HERC2: variants seen among roughly 807,000 people sequenced by gnomAD.
HERC2 encodes HECT and RLD domain containing E3 ubiquitin protein ligase 2.
In HERC2, 102 loss-of-function variants were observed where a neutral mutation model predicts 537.7. The ratio of observed to expected loss-of-function variants is 0.19; its 90% confidence interval spans 0.16 to 0.22. The LOEUF is 0.22. Ranked by LOEUF, HERC2 falls within the 10% of genes least tolerant of loss-of-function variation. The pLI is 1.00. For synonymous variants in HERC2, 2,224 were observed against 2,466.2 expected, an observed-to-expected ratio of 0.90 and a Z score of 2.91; for missense variants, 4,236 against 6,198.2, an observed-to-expected ratio of 0.68 and a Z score of 10.63.
At chr15:28,124,970 G>A (rs1369467907) in intron 84 of HERC2, 36 bp downstream of exon 84, 1 of 1,563,664 alleles carries the variant, frequency 6.4e-7, no homozygotes. Flanking sequence ...AGCACACTTT[G>A]CTTGCCCCCG....
chr15:28,169,698 G>C lies in HERC2; in HGVS notation c.10058-43C>G. ...AATTTGCATTGTTTTTAAAATCACAGTTTGATCTATTTCTATAAAATCTGA... is the reference window on the plus strand; with the variant it reads ...AATTTGCATTGTTTTTAAAATCACACTTTGATCTATTTCTATAAAATCTGA... On this transcript the variant is annotated intron_variant, in intron 65 of 92. Coordinates refer to ENST00000261609, the MANE Select transcript of HERC2 (RefSeq NM_004667.6). 3 of 1,566,420 alleles carry C rather than the reference G, an allele frequency of 1.9e-6. 1 individual carries two copies. The highest frequency in any genetic ancestry group is 2.3e-5 in the South Asian group (2 of 85,796).
chr15:28,188,557 AAG>A (rs1555420362), intron 55 of HERC2, among the ~76,000 whole-genome samples: 2 of 151,190 alleles, frequency 1.3e-5, no homozygotes, highest in African/African-American at 4.9e-5. Context: ...AAAAAAAAAA[AAG>A]AGTACTTGTT....
At position 28,174,381 on chromosome 15, in the gene HERC2, CA is replaced by C; in HGVS notation, c.10057+13del. 1.0e-5 allele frequency: 16 copies of C among 1,567,608 alleles called. No individual in the cohort carries two copies. Among genetic ancestry groups the C allele is most frequent in the Non-Finnish European group, 1.4e-5 (16 of 1,148,906 alleles). On this transcript the variant is annotated intron_variant, in intron 65 of 92. Coordinates refer to ENST00000261609, the MANE Select transcript of HERC2 (RefSeq NM_004667.6). ...CTACAGAAAAATCTCAGAGAAGATA[CA>C]AATCTGTGTTACCTAAATAGGAAGC...
At position 28,132,666 on chromosome 15, in the gene HERC2, A is replaced by T; in HGVS notation, c.12395T>A (p.Leu4132Gln). The T allele has an allele frequency of 1.4e-5, 22 of 1,548,392 alleles. No individual in the cohort carries two copies. The highest frequency in any genetic ancestry group is 1.9e-5 in the Non-Finnish European group (22 of 1,145,668). The change falls in exon 80 of 93, where the codon CTG (leucine) becomes CAG (glutamine). Residue 4132 changes from leucine (L) to glutamine (Q), a missense_variant. Transcript: ENST00000261609. ...GCGCCTCCTCACCAGCTTCGGCTTC[A>T]GCTGGTCCTCACTGTCGCTGTGCCC... ...RLGHSDSEDQ[L>Q]KPKLVEALQG...
chr15:28,126,856 G>T (rs894416263), intron 83 of HERC2, among the ~76,000 whole-genome samples: 2 of 152,134 alleles, frequency 1.3e-5, no homozygotes, highest in Non-Finnish European at 2.9e-5. Flanking sequence ...CCAAAAACTT[G>T]TTGAAATAAA....
intron 67 of HERC2, 52 bp from the exon 68 acceptor site, chr15:28,167,879 A>G (rs1486674776): frequency 2.6e-6 from 4 of 1,554,900 alleles, no homozygotes; most frequent in Non-Finnish European, 3.5e-6. Flanking sequence ...ACTCAGCAAC[A>G]TAACACATTT....
intron 4 of HERC2, among the ~76,000 whole-genome samples, chr15:28,287,087 C>A (rs1306332330): frequency 6.6e-6 from 1 of 151,906 alleles, no homozygotes; most frequent in Non-Finnish European, 1.5e-5. Context: ...TAATTTTTTT[C>A]ATAATAAAAC....
intron 2 of HERC2, chr15:28,315,644 A>C (rs2077061948): frequency 6.6e-6 from 4 of 607,076 alleles, no homozygotes; most frequent in African/African-American, 1.8e-5. Flanking sequence ...AATATAAAAA[A>C]TTATCTGGCT....
chr15:28,253,473 C>G (rs987357992), intron 20 of HERC2, among the ~76,000 whole-genome samples: 3 of 152,230 alleles, frequency 2.0e-5, no homozygotes, highest in Non-Finnish European at 4.4e-5. Context: ...ACCGCAATTT[C>G]TCTTCAGTGA....
chr15:28,206,855 A>C (rs1022725467), intron 44 of HERC2, among the ~76,000 whole-genome samples: 3 of 137,688 alleles, frequency 2.2e-5, no homozygotes, highest in Non-Finnish European at 4.6e-5. Flanking sequence ...AAAAAAAAAA[A>C]AAAAAATTAA....
At chr15:28,139,266 G>C (rs1890950321) in intron 78 of HERC2, among the ~76,000 whole-genome samples, 1 of 152,246 alleles carries the variant, frequency 6.6e-6, no homozygotes, top group Non-Finnish European at 1.5e-5. Flanking sequence ...TCACTTCTGT[G>C]ATTCAGTTAC....
In HERC2 at chr15:28,270,811, G is replaced by T; in HGVS notation, c.1141C>A (p.Gln381Lys). The T allele has an allele frequency of 6.2e-7, 1 of 1,613,968 alleles. No individual in the cohort carries two copies. The highest frequency in any genetic ancestry group is 1.3e-5 in the African/African-American group (1 of 75,046). ...AGATCAATGGCAAGCTCGTTGTCTT[G>T]TGGAAGGGTGAGGTACCTCAGGAAA... ...ESFLRYLTLPQDNELAIDLRQ... is the reference protein window; with the variant it reads ...ESFLRYLTLPKDNELAIDLRQ... Residue 381 changes from glutamine (Q) to lysine (K), a missense_variant, in exon 10 of 93, where the codon CAA becomes AAA. Coordinates refer to ENST00000261609, the MANE Select transcript of HERC2 (RefSeq NM_004667.6).
intron 27 of HERC2, 131 bp downstream of exon 27, chr15:28,233,939 C>A: frequency 1.5e-6 from 1 of 684,764 alleles, no homozygotes; most frequent in Non-Finnish European, 2.6e-6. Flanking sequence ...AGGTTCTCAC[C>A]TCAAAACCCT....
chr15:28,128,733 C>T lies in HERC2; in HGVS notation c.12802+1430G>A, dbSNP rs993050311. ...AAACAACACACACTTAGGATCCTTT[C>T]GCTCTGCAGGTGAGAAGCCCCGCAT... On this transcript the variant is annotated intron_variant, in intron 83 of 92. Coordinates refer to ENST00000261609, the MANE Select transcript of HERC2 (RefSeq NM_004667.6). 3.9e-5 allele frequency among the ~76,000 whole-genome samples: 6 copies of T among 152,216 alleles called. No individual in the cohort carries two copies. In the South Asian group the frequency reaches 6.2e-4, roughly 16 times the overall value.
chr15:28,232,268 C>T (rs915148917), intron 30 of HERC2, among the ~76,000 whole-genome samples: 2 of 152,104 alleles, frequency 1.3e-5, no homozygotes, highest in African/African-American at 4.8e-5. Context: ...AGAGGCCAGG[C>T]GCGGTGGCTC....
rs773773806 is a variant in HERC2 at position 28,265,944 on chromosome 15, G to C, written c.1629C>G (p.Ala543=). 6.2e-7 allele frequency: 1 copy of C among 1,614,170 alleles called. No homozygotes were observed. Among genetic ancestry groups the C allele is most frequent in the South Asian group, 1.1e-5 (1 of 91,084 alleles). Residue 543 remains alanine, a synonymous_variant, in exon 13 of 93, where the codon GCC becomes GCG. Coordinates refer to ENST00000261609, the MANE Select transcript of HERC2 (RefSeq NM_004667.6). This position sits in a 1 kb window ranked among gnomAD's most constrained non-coding sequence, Gnocchi z 4.0. The part of the protein sequence containing the change: ...VPLEEPKVIS[A]FSGKQAGKHV... ...GCTTCCCGGCCTGCTTTCCAGAGAA[G>C]GCGGAGATCACCTTAGGCTCCTCCA...
At chr15:28,205,372 T>C (rs28488374) in intron 45 of HERC2, among the ~76,000 whole-genome samples, 12,372 of 113,850 alleles carry the variant, frequency 0.11, 272 homozygotes, top group African/African-American at 0.33. Context: ...ACCTTCACCT[T>C]GGAGGTTCCC....
rs2075630181 is a variant in HERC2, at chr15:28,268,442, C to A, written c.1598+23G>T. Reference sequence around the variant, plus strand: ...GCAACATAAAAGGAGAGTGTGTCCCCTACAGGAATAAGCGATACATACACA... The same window carrying A: ...GCAACATAAAAGGAGAGTGTGTCCCATACAGGAATAAGCGATACATACACA... On this transcript the variant is annotated intron_variant, in intron 12 of 92. Transcript: ENST00000261609. This position sits in a 1 kb window ranked among gnomAD's most constrained non-coding sequence, Gnocchi z 4.7. The A allele has an allele frequency of 6.2e-7, 1 of 1,606,448 alleles. No individual in the cohort carries two copies. Among genetic ancestry groups the A allele is most frequent in the Non-Finnish European group, 8.5e-7 (1 of 1,174,874 alleles).
At chr15:28,142,689 A>G in intron 75 of HERC2, 138 bp downstream of exon 75, 3 of 823,980 alleles carry the variant, frequency 3.6e-6, no homozygotes, top group African/African-American at 1.7e-5. Flanking sequence ...ATTTCTTGAG[A>G]TTTTTTCATA....
Sources: gnomAD v4.1 joint callset for allele counts (sites outside exome capture counted in the v4.1 genomes callset) on GRCh38, gnomAD v4.1.1 for gene constraint, Gnocchi (gnomAD v3.1) non-coding constraint, MANE v1.5 for transcripts, NCBI Gene and HGNC (gene_info 2026-07-23, HGNC 2026-07-21) for gene names.